WWOX: variants seen among roughly 807,000 people sequenced by gnomAD.
WWOX encodes the protein WW domain-containing oxidoreductase.
Under a neutral mutation model 46.2 loss-of-function variants are expected in WWOX, and 69 were observed. The observed-to-expected ratio is 1.49, with a 90% CI of 1.23 to 1.82. WWOX has a LOEUF of 1.82. WWOX is among the 40% of genes most tolerant of loss of function. WWOX has a pLI of 0.00. For missense variants in WWOX, 919 were observed against 542.6 expected (o/e 1.69, Z -6.89); for synonymous variants, 359 against 202.6 (o/e 1.77, Z -6.56).
intron 8 of WWOX, among the ~76,000 whole-genome samples, chr16:78,548,733 A>G (rs986097097): frequency 6.6e-6 from 1 of 152,220 alleles, no homozygotes; most frequent in Admixed American, 6.5e-5. Flanking sequence ...TTTGCCCAAT[A>G]ACTAGAATGC....
intron 8 of WWOX, among the ~76,000 whole-genome samples, chr16:78,849,048 G>A (rs1045272933): frequency 2.0e-5 from 3 of 152,142 alleles, no homozygotes; most frequent in East Asian, 1.9e-4. Context: ...ACTGCCATGG[G>A]CATGATCACT....
chr16:78,536,668 G>A (rs377055439), intron 8 of WWOX, among the ~76,000 whole-genome samples: 24 of 152,172 alleles, frequency 1.6e-4, no homozygotes, highest in African/African-American at 3.9e-4. Flanking sequence ...GGATTGTGCC[G>A]GTTTAGCCAG....
chr16:78,331,070 C>T (rs561880177), intron 5 of WWOX, among the ~76,000 whole-genome samples: 15 of 152,106 alleles, frequency 9.9e-5, no homozygotes, highest in African/African-American at 3.4e-4. Flanking sequence ...TTTCTGCCCC[C>T]CAAAAGATTA....
chr16:78,738,629 C>G (rs183103327), intron 8 of WWOX, among the ~76,000 whole-genome samples: 1 of 152,122 alleles, frequency 6.6e-6, no homozygotes, highest in Non-Finnish European at 1.5e-5. Flanking sequence ...ATTTTTGTTA[C>G]GCTTGTGGTT....
intron 4 of WWOX, among the ~76,000 whole-genome samples, chr16:78,160,530 T>C (rs1234887532): frequency 6.6e-6 from 1 of 152,242 alleles, no homozygotes; most frequent in East Asian, 1.9e-4. Context: ...GTTTAAAATA[T>C]TTCTAACTTT....
rs1384929074 is a variant in WWOX, at chr16:78,408,794, A to G, written c.606-16076A>G. On this transcript the variant is annotated intron_variant, in intron 6 of 8. Transcript: ENST00000566780. ...GTTTCCTGAGTCACCTTTGGGAGGT[A>G]GGAAGGGTTTGACATGTAGGCTGGG... is the stretch of plus-strand genomic sequence containing the variant. Among the ~76,000 whole-genome samples the G allele has an allele frequency of 1.1e-4, 16 of 152,202 alleles. 1 individual carries two copies. Among genetic ancestry groups the G allele is most frequent in the Admixed American group, 1.0e-3 (16 of 15,278 alleles).
intron 8 of WWOX, among the ~76,000 whole-genome samples, chr16:78,758,575 C>G (rs751904101): frequency 5.9e-5 from 9 of 152,196 alleles, no homozygotes; most frequent in Non-Finnish European, 1.2e-4. Context: ...AGTGCTACCT[C>G]TGCATGGCAG....
chr16:78,888,068 A>C (rs914496478), intron 8 of WWOX, among the ~76,000 whole-genome samples: 1 of 152,230 alleles, frequency 6.6e-6, no homozygotes, highest in African/African-American at 2.4e-5. Flanking sequence ...GTCAGCCATG[A>C]ATATTTTATT....
At chr16:78,101,981 A>T (rs1042363378) in intron 1 of WWOX, among the ~76,000 whole-genome samples, 31 of 152,160 alleles carry the variant, frequency 2.0e-4, no homozygotes, top group Admixed American at 8.5e-4. Flanking sequence ...GTGAGGGAAT[A>T]TGGTGGCACC....
rs142585815 is a variant in WWOX at position 78,483,091 on chromosome 16, C to T, written c.1056+50339C>T. ...CCTTTTGTTGGCTTCAAGGTTATGC[C>T]ATATTTTGCAAAGTCAAGTTGGAGA... On this transcript the variant is annotated intron_variant, in intron 8 of 8. Transcript: ENST00000566780. Among the ~76,000 whole-genome samples the T allele has an allele frequency of 1.7e-3, 254 of 152,208 alleles. 1 individual carries two copies. The highest frequency in any genetic ancestry group is 6.0e-3 in the African/African-American group (249 of 41,546).
intron 5 of WWOX, among the ~76,000 whole-genome samples, chr16:78,263,377 G>A (rs2079288115): frequency 6.6e-6 from 1 of 152,174 alleles, no homozygotes; most frequent in African/African-American, 2.4e-5. Flanking sequence ...AGGGCCATGT[G>A]CTCACCCCTT....
chr16:78,187,529 G>A (rs541576591), intron 5 of WWOX, among the ~76,000 whole-genome samples: 12 of 152,240 alleles, frequency 7.9e-5, no homozygotes, highest in African/African-American at 2.4e-4. Flanking sequence ...CTTGAACCGC[G>A]GAGGCAGAGA....
At chr16:78,740,576 G>T (rs2049196079) in intron 8 of WWOX, among the ~76,000 whole-genome samples, 1 of 152,318 alleles carries the variant, frequency 6.6e-6, no homozygotes, top group East Asian at 1.9e-4. Context: ...GTGGTGTGCA[G>T]AGAGCACTCG....
chr16:78,395,388 G>A (rs2082261961), intron 6 of WWOX, among the ~76,000 whole-genome samples: 1 of 152,088 alleles, frequency 6.6e-6, no homozygotes, highest in Non-Finnish European at 1.5e-5. Flanking sequence ...GTGTGGTGGT[G>A]CACACCTGTA....
chr16:78,669,051 C>G (rs72796604), intron 8 of WWOX, among the ~76,000 whole-genome samples: 5 of 152,296 alleles, frequency 3.3e-5, no homozygotes, highest in Middle Eastern at 3.4e-3. Flanking sequence ...AGTGACCCTC[C>G]AGGAAGGCCC....
At chr16:79,000,791 A>C (rs890438500) in intron 8 of WWOX, among the ~76,000 whole-genome samples, 2 of 152,166 alleles carry the variant, frequency 1.3e-5, no homozygotes, top group Non-Finnish European at 2.9e-5. Context: ...ATACCCTCTA[A>C]AAGCCCCTTT....
intron 8 of WWOX, among the ~76,000 whole-genome samples, chr16:78,753,852 ATATGTAT>A (rs2049563020): frequency 7.1e-5 from 6 of 84,606 alleles, no homozygotes; most frequent in African/African-American, 3.0e-4. Context: ...ATATATATAT[ATATGTAT>A]ATGTATATGT....
chr16:78,995,815 A>C (rs560938778), intron 8 of WWOX, among the ~76,000 whole-genome samples: 1 of 152,318 alleles, frequency 6.6e-6, no homozygotes, highest in East Asian at 1.9e-4. Context: ...TTGCAAGTGT[A>C]AAGGAGACCC....
intron 5 of WWOX, among the ~76,000 whole-genome samples, chr16:78,312,179 C>A (rs886877407): frequency 6.6e-6 from 1 of 152,160 alleles, no homozygotes; most frequent in East Asian, 1.9e-4. Context: ...TTAAGGTCAG[C>A]TGACTAGCAA....
Sources: gnomAD v4.1 joint callset for allele counts (sites outside exome capture counted in the v4.1 genomes callset) on GRCh38, gnomAD v4.1.1 for gene constraint, MANE v1.5 for transcripts, NCBI Gene and HGNC (gene_info 2026-07-23, HGNC 2026-07-21) for gene names.